ARHGAP18: variants seen among roughly 807,000 people sequenced by gnomAD.
The protein encoded by ARHGAP18 is Rho GTPase activating protein 18, also known as rho GTPase-activating protein 18.
A neutral mutation model predicts 86.2 loss-of-function variants in ARHGAP18; 67 were observed. The observed-to-expected ratio is 0.78, with a 90% CI of 0.64 to 0.95. The LOEUF (loss-of-function observed/expected upper bound fraction) is 0.95. ARHGAP18 is among the 40% of genes least tolerant of loss of function. The pLI is 0.00. For missense variants in ARHGAP18, 691 were observed against 780.4 expected, an observed-to-expected ratio of 0.89 and a Z score of 1.37; for synonymous variants, 283 against 280.4, an observed-to-expected ratio of 1.01 and a Z score of -0.09.
At chr6:129,652,679 G>T (rs192001473) in intron 1 of ARHGAP18, among the ~76,000 whole-genome samples, 1 of 152,190 alleles carries the variant, frequency 6.6e-6, no homozygotes, top group Admixed American at 6.5e-5. Context: ...TTCAAGATCT[G>T]GGATCCAAGA....
At chr6:129,623,495 G>A (rs1789275108) in intron 5 of ARHGAP18, among the ~76,000 whole-genome samples, 1 of 152,158 alleles carries the variant, frequency 6.6e-6, no homozygotes, top group Non-Finnish European at 1.5e-5. Flanking sequence ...ATAAAGAATT[G>A]ACAAAGGTTG....
chr6:129,589,299 C>T (rs562489697), intron 12 of ARHGAP18, among the ~76,000 whole-genome samples: 3 of 152,284 alleles, frequency 2.0e-5, no homozygotes, highest in African/African-American at 7.2e-5. Flanking sequence ...ATTTCTTCCA[C>T]CAGATACCCT....
chr6:129,652,650 C>T (rs1019621557), intron 1 of ARHGAP18, among the ~76,000 whole-genome samples: 2 of 152,210 alleles, frequency 1.3e-5, no homozygotes, highest in African/African-American at 4.8e-5. Context: ...AATTCCCTCA[C>T]ATATAAGACT....
At chr6:129,653,318 C>G (rs959293671) in intron 1 of ARHGAP18, among the ~76,000 whole-genome samples, 7 of 152,132 alleles carry the variant, frequency 4.6e-5, no homozygotes, top group African/African-American at 1.7e-4. Flanking sequence ...CAATTAAAAA[C>G]AGCAGCACTT....
chr6:129,654,611 G>A (rs1773788580), intron 1 of ARHGAP18, among the ~76,000 whole-genome samples: 1 of 152,142 alleles, frequency 6.6e-6, no homozygotes, highest in Non-Finnish European at 1.5e-5. Flanking sequence ...GTAGTTCATG[G>A]CCTCAAGCGT....
At chr6:129,640,260 G>A (rs1275988289) in intron 2 of ARHGAP18, among the ~76,000 whole-genome samples, 1 of 151,944 alleles carries the variant, frequency 6.6e-6, no homozygotes, top group East Asian at 1.9e-4. Flanking sequence ...AAAAGGTGTG[G>A]GCATGTAGAA....
intron 1 of ARHGAP18, among the ~76,000 whole-genome samples, chr6:129,668,640 C>T (rs1276491880): frequency 1.3e-5 from 2 of 152,096 alleles, no homozygotes; most frequent in African/African-American, 2.4e-5. Context: ...TACCAGCTGC[C>T]GGAGCCCACC....
intron 1 of ARHGAP18, among the ~76,000 whole-genome samples, chr6:129,690,149 GGT>G (rs200670253): frequency 6.7e-6 from 1 of 150,236 alleles, no homozygotes; most frequent in Admixed American, 6.7e-5. Context: ...GTGTGTATGT[GGT>G]GTGTGTGTAA....
chr6:129,618,440 T>C (rs1789140861), intron 6 of ARHGAP18, among the ~76,000 whole-genome samples: 1 of 152,248 alleles, frequency 6.6e-6, no homozygotes, highest in African/African-American at 2.4e-5. Flanking sequence ...AGTCCTTGCT[T>C]CAGAATTTCC....
At chr6:129,581,395 T>C (rs897582072) in intron 13 of ARHGAP18, among the ~76,000 whole-genome samples, 1 of 152,220 alleles carries the variant, frequency 6.6e-6, no homozygotes, top group African/African-American at 2.4e-5. Flanking sequence ...TCTTTTAAAT[T>C]AAATAATTTA....
At chr6:129,667,508 G>GTGTGTGTTT (rs1774064856) in intron 1 of ARHGAP18, among the ~76,000 whole-genome samples, 1 of 121,142 alleles carries the variant, frequency 8.3e-6, no homozygotes, top group Non-Finnish European at 1.8e-5. Flanking sequence ...TGTGTGTGTT[G>GTGTGTGTTT]TGTATGTGGA....
At chr6:129,707,464 T>TTTTA (rs1440247932) in intron 1 of ARHGAP18, among the ~76,000 whole-genome samples, 2 of 151,776 alleles carry the variant, frequency 1.3e-5, no homozygotes, top group African/African-American at 2.4e-5. Context: ...AGCTTTTATT[T>TTTTA]TTTATTTATT....
intron 2 of ARHGAP18, among the ~76,000 whole-genome samples, chr6:129,640,281 A>G (rs761713478): frequency 2.0e-5 from 3 of 152,204 alleles, no homozygotes; most frequent in African/African-American, 4.8e-5. Context: ...AACATTCCCA[A>G]TCTTCTTGAT....
chr6:129,659,371 A>G (rs1455093457), intron 1 of ARHGAP18, among the ~76,000 whole-genome samples: 2 of 152,268 alleles, frequency 1.3e-5, no homozygotes, highest in Non-Finnish European at 2.9e-5. Flanking sequence ...TGACTCAGCA[A>G]ATATTCAGAG....
intron 1 of ARHGAP18, among the ~76,000 whole-genome samples, chr6:129,694,661 A>T (rs577015421): frequency 6.6e-6 from 1 of 152,364 alleles, no homozygotes; most frequent in Non-Finnish European, 1.5e-5. Context: ...TAAGATTATG[A>T]GTTGCTTCTA....
chr6:129,593,020 T>TAC (rs902712586), intron 12 of ARHGAP18, among the ~76,000 whole-genome samples: 1 of 152,050 alleles, frequency 6.6e-6, no homozygotes, highest in African/African-American at 2.4e-5. Flanking sequence ...TACATATGCA[T>TAC]ACACACACAC....
chr6:129,646,488 C>A (rs1002557778), intron 1 of ARHGAP18, among the ~76,000 whole-genome samples: 16 of 152,208 alleles, frequency 1.1e-4, no homozygotes, highest in African/African-American at 3.9e-4. Flanking sequence ...TGTTCTAAGA[C>A]CCTCAAAGAG....
chr6:129,625,193 GATATATATTTATATGTAAT>G (rs1789350717), intron 5 of ARHGAP18, among the ~76,000 whole-genome samples: 4 of 63,066 alleles, frequency 6.3e-5, no homozygotes, highest in South Asian at 8.0e-4. Flanking sequence ...TATTATATAT[GATATATATTTATATGTAAT>G]ATATATGATA....
At chr6:129,608,292 A>G (rs1788900988) in intron 8 of ARHGAP18, among the ~76,000 whole-genome samples, 1 of 152,142 alleles carries the variant, frequency 6.6e-6, no homozygotes, top group African/African-American at 2.4e-5. Flanking sequence ...TTTAAAATTT[A>G]TACTTTTTCC....
Sources: gnomAD v4.1 joint callset for allele counts (sites outside exome capture counted in the v4.1 genomes callset) on GRCh38, gnomAD v4.1.1 for gene constraint, MANE v1.5 for transcripts, NCBI Gene and HGNC (gene_info 2026-07-23, HGNC 2026-07-21) for gene names.